The following RABGEF1 variants were observed in gnomAD, a reference collection of about 807,000 sequenced individuals.
RABGEF1 encodes rab5 GDP/GTP exchange factor.
Under a neutral mutation model 57.3 loss-of-function variants are expected in RABGEF1, and 26 were observed. The observed-to-expected ratio is 0.45, with a 90% confidence interval of 0.33 to 0.63. The LOEUF (loss-of-function observed/expected upper bound fraction) is 0.63. Among genes scored for constraint, RABGEF1 ranks in the 20% least tolerant of loss-of-function variants. The pLI is 0.02. For missense variants in RABGEF1, 464 were observed against 607.6 expected (o/e 0.76, Z 2.48); for synonymous variants, 185 against 210.7 (o/e 0.88, Z 1.06).
intron 1 of RABGEF1, among the ~76,000 whole-genome samples, chr7:66,741,730 C>T (rs1051430693): frequency 6.6e-6 from 1 of 152,168 alleles, no homozygotes; most frequent in Non-Finnish European, 1.5e-5. Context: ...TGGGATCTCA[C>T]AGTGTTGCCC....
chr7:66,774,031 T>C (rs2129119057), intron 2 of RABGEF1: 1 of 304,200 alleles, frequency 3.3e-6, no homozygotes, highest in Non-Finnish European at 6.5e-6. Flanking sequence ...ATTGCTTTTA[T>C]TTATTATTCT....
At chr7:66,662,424 A>G in the RABGEF1 span, among the ~76,000 whole-genome samples, 20 of 152,264 alleles carry the variant, frequency 1.3e-4, no homozygotes, top group Admixed American at 1.3e-3. Context: ...ATCAGGCTGG[A>G]TAATCCTCTC....
chr7:66,777,340 A>G lies in RABGEF1; in HGVS notation c.346+1947A>G, dbSNP rs866444527. Among the ~76,000 whole-genome samples, 4 of 152,266 alleles carry G rather than the reference A, an allele frequency of 2.6e-5. No homozygotes were observed. The South Asian group carries it at 8.3e-4, about 32-fold the overall frequency. The stretch of plus-strand genomic sequence containing the variant: ...TAACTAATTTACCCAAGGTTGCACA[A>G]TGAGTTTGTGCATGAGAACTCATGT... On this transcript the variant is annotated intron_variant, in intron 3 of 8. Coordinates refer to ENST00000284957, the MANE Select transcript of RABGEF1 (RefSeq NM_014504.3).
At chr7:66,775,889 T>C (rs921917695) in intron 3 of RABGEF1, among the ~76,000 whole-genome samples, 11 of 152,182 alleles carry the variant, frequency 7.2e-5, no homozygotes, top group African/African-American at 1.9e-4. Context: ...AGTTGGGCTC[T>C]TGGGGGGATG....
chr7:66,670,437 T>TA, the RABGEF1 span, among the ~76,000 whole-genome samples: 1 of 11,848 alleles, frequency 8.4e-5, no homozygotes, highest in South Asian at 1.8e-3. Flanking sequence ...GAGATGATTT[T>TA]TTTTTTTTTT....
intron 1 of RABGEF1, among the ~76,000 whole-genome samples, chr7:66,691,768 C>G (rs1791550048): frequency 1.3e-5 from 2 of 152,050 alleles, no homozygotes; most frequent in Admixed American, 1.3e-4. Flanking sequence ...ACAGGCTAAG[C>G]TAAGGCTTGG....
the RABGEF1 span, among the ~76,000 whole-genome samples, chr7:66,659,484 AAC>A: frequency 6.6e-6 from 1 of 151,524 alleles, no homozygotes; most frequent in Non-Finnish European, 1.5e-5. Flanking sequence ...AAAAAAAGAA[AAC>A]ACTGCCCAAC....
rs534320134 is a variant in RABGEF1 at position 66,734,242 on chromosome 7, G to A, written c.-814-5754G>A. The stretch of plus-strand genomic sequence containing the variant: ...GGACCTGGGAGGCAAGGAGAGGCAC[G>A]GGTTATCGGTGTCTGATGGAGGCAA... On this transcript the variant is annotated intron_variant and NMD_transcript_variant, in intron 2 of 9. Coordinates refer to the RABGEF1 transcript ENST00000607882. Among the ~76,000 whole-genome samples the A allele has an allele frequency of 1.8e-4, 28 of 152,266 alleles. No homozygotes were observed. The East Asian group carries it at 3.5e-3, about 19-fold the overall frequency.
chr7:66,746,531 C>T (rs1800264926), intron 1 of RABGEF1, among the ~76,000 whole-genome samples: 1 of 151,664 alleles, frequency 6.6e-6, no homozygotes, highest in Admixed American at 6.6e-5. Context: ...CCTCGTGATC[C>T]ACCCGCCTCG....
At chr7:66,692,337 T>C (rs1414925237) in intron 1 of RABGEF1, among the ~76,000 whole-genome samples, 3 of 152,170 alleles carry the variant, frequency 2.0e-5, no homozygotes, top group Non-Finnish European at 2.9e-5. Flanking sequence ...CTCTTACCCA[T>C]GCTTCCTGGC....
intron 2 of RABGEF1, among the ~76,000 whole-genome samples, chr7:66,712,471 T>C (rs902141992): frequency 7.9e-5 from 12 of 152,224 alleles, no homozygotes; most frequent in Non-Finnish European, 1.3e-4. Flanking sequence ...TCTGCAGATA[T>C]CTTTTTTTCT....
chr7:66,763,489 A>G (rs1464651162), intron 1 of RABGEF1, among the ~76,000 whole-genome samples: 1 of 152,222 alleles, frequency 6.6e-6, no homozygotes, highest in African/African-American at 2.4e-5. Context: ...CTAACTTCAC[A>G]TTCTGTCTCT....
chr7:66,759,835 A>C (rs1363252371), intron 1 of RABGEF1, among the ~76,000 whole-genome samples: 1 of 152,256 alleles, frequency 6.6e-6, no homozygotes, highest in Admixed American at 6.5e-5. Flanking sequence ...ATTACAATTC[A>C]GCATGACATT....
chr7:66,756,809 G>A (rs1326376176), intron 1 of RABGEF1, among the ~76,000 whole-genome samples: 1 of 152,022 alleles, frequency 6.6e-6, no homozygotes, highest in Non-Finnish European at 1.5e-5. Flanking sequence ...AATGTAGGGG[G>A]TGTCAGATTG....
chr7:66,775,536 G>A lies in RABGEF1; in HGVS notation c.346+143G>A, dbSNP rs562719838. ...ATTTGACACTGAAATTGGGCTTGAG[G>A]GTCAGACAGTATATGAAATCAATAC... On this transcript the variant is annotated intron_variant, in intron 3 of 8. Transcript: ENST00000284957. 7 of 921,088 alleles carry A rather than the reference G, an allele frequency of 7.6e-6. No homozygotes were observed. In the Admixed American group the frequency reaches 1.7e-4, roughly 23 times the overall value. 57.1% of individuals were successfully genotyped at this position (921,088 alleles called of 1,614,324 possible). A position where few individuals can be genotyped will look rare whatever the true frequency, so the allele number is the denominator to read the frequency against.
chr7:66,769,199 C>G (rs1001771282), intron 1 of RABGEF1, among the ~76,000 whole-genome samples: 4 of 152,196 alleles, frequency 2.6e-5, no homozygotes, highest in Admixed American at 2.0e-4. Flanking sequence ...ACTTCCAATT[C>G]TGGTCTTCCC....
chr7:66,691,783 G>A (rs1179215805), intron 1 of RABGEF1, among the ~76,000 whole-genome samples: 1 of 152,118 alleles, frequency 6.6e-6, no homozygotes, highest in Non-Finnish European at 1.5e-5. Context: ...GCTTGGCACC[G>A]TGGCTCACAC....
the RABGEF1 span, among the ~76,000 whole-genome samples, chr7:66,672,700 C>T: frequency 6.6e-6 from 1 of 151,988 alleles, no homozygotes; most frequent in East Asian, 2.0e-4. Flanking sequence ...ACCAAGTGCC[C>T]AGGAGGCAGA....
chr7:66,670,079 C>T, the RABGEF1 span, among the ~76,000 whole-genome samples: 1 of 152,122 alleles, frequency 6.6e-6, no homozygotes, highest in East Asian at 1.9e-4. Flanking sequence ...TCTTAAACCG[C>T]CCCTTTCCCC....
Sources: gnomAD v4.1 joint callset for allele counts (sites outside exome capture counted in the v4.1 genomes callset) on GRCh38, gnomAD v4.1.1 for gene constraint, MANE v1.5 for transcripts, NCBI Gene and HGNC (gene_info 2026-07-23, HGNC 2026-07-21) for gene names.